The following ZNF831 variants were observed in gnomAD, a reference collection of about 807,000 sequenced individuals.
The protein encoded by ZNF831 is zinc finger protein 831.
A neutral mutation model predicts 95.8 loss-of-function variants in ZNF831; 59 were observed. The observed-to-expected ratio is 0.62, with a 90% CI of 0.50 to 0.77. The LOEUF (loss-of-function observed/expected upper bound fraction) is 0.77, where lower values mean the gene tolerates loss of function less well. Ranked by LOEUF, ZNF831 falls within the 30% of genes least tolerant of loss-of-function variation. The pLI, the probability that ZNF831 is intolerant of heterozygous loss-of-function variation, is 0.00. For missense variants in ZNF831, 2,205 were observed against 2,164.0 expected, an observed-to-expected ratio of 1.02 and a Z score of -0.38; for synonymous variants, 961 against 925.5, an observed-to-expected ratio of 1.04 and a Z score of -0.70.
At chr20:59,201,611 AGGTC>A (rs1458135931) in intron 3 of ZNF831, among the ~76,000 whole-genome samples, 1 of 152,176 alleles carries the variant, frequency 6.6e-6, no homozygotes, top group Non-Finnish European at 1.5e-5. Flanking sequence ...TTTTATATTT[AGGTC>A]TATAATTCAT....
intron 3 of ZNF831, among the ~76,000 whole-genome samples, chr20:59,196,887 C>T (rs1433619698): frequency 6.6e-6 from 1 of 151,992 alleles, no homozygotes; most frequent in Admixed American, 6.5e-5. Flanking sequence ...AAGCGATTTG[C>T]CTGCTCAGCC....
At chr20:59,252,796 G>A (rs1987960332) in intron 4 of ZNF831, among the ~76,000 whole-genome samples, 182 bp from the exon 5 acceptor site, 1 of 151,892 alleles carries the variant, frequency 6.6e-6, no homozygotes, top group Non-Finnish European at 1.5e-5. Flanking sequence ...TCATAGAGTG[G>A]ATATATTTTA....
chr20:59,223,268 T>A (rs985620958), intron 4 of ZNF831, among the ~76,000 whole-genome samples: 1 of 152,096 alleles, frequency 6.6e-6, no homozygotes, highest in East Asian at 1.9e-4. Flanking sequence ...TAAAGCAGAA[T>A]CCAGGATTCT....
intron 4 of ZNF831, among the ~76,000 whole-genome samples, chr20:59,223,259 A>G (rs955649867): frequency 2.0e-5 from 3 of 152,122 alleles, no homozygotes; most frequent in African/African-American, 7.2e-5. Flanking sequence ...GCAGGGATGT[A>G]AAGCAGAATC....
At chr20:59,137,584 G>A (rs548051459) in intron 1 of ZNF831, among the ~76,000 whole-genome samples, 22 of 152,332 alleles carry the variant, frequency 1.4e-4, no homozygotes, top group African/African-American at 5.1e-4. Context: ...CTGACACAGG[G>A]TTAGGGATTC....
intron 2 of ZNF831, among the ~76,000 whole-genome samples, chr20:59,154,393 A>G (rs1269238796): frequency 1.3e-5 from 2 of 152,214 alleles, no homozygotes; most frequent in African/African-American, 4.8e-5. Context: ...AGAAAGCACC[A>G]TGAGAACTCA....
In ZNF831 at chr20:59,195,905, C is replaced by T; in HGVS notation, c.3775C>T (p.His1259Tyr). Residue 1259 changes from histidine to tyrosine, a missense_variant, in exon 3 of 6, where the codon CAC (histidine) becomes TAC (tyrosine). Physicochemically the swap from His to Tyr is moderately conservative, Grantham distance 83 (BLOSUM62 2). Coordinates refer to ENST00000371030, the MANE Select transcript of ZNF831 (RefSeq NM_178457.3). ...AACAGTCCCAGGGGTGATGCCCCAG[C>T]ACCAGGTGTCTGAGCCAGAATGGAA... is the stretch of plus-strand genomic sequence containing the variant. ...YPTVPGVMPQHQVSEPEWKKG... is the reference protein window; with the variant it reads ...YPTVPGVMPQYQVSEPEWKKG... The T allele has an allele frequency of 4.3e-6, 7 of 1,614,206 alleles. No individual in the cohort carries two copies. The highest frequency in any genetic ancestry group is 1.1e-5 in the South Asian group (1 of 91,078).
At chr20:59,128,983 C>T (rs1373344593) in intron 1 of ZNF831, among the ~76,000 whole-genome samples, 4 of 152,128 alleles carry the variant, frequency 2.6e-5, no homozygotes, top group African/African-American at 4.8e-5. Flanking sequence ...AGGCTAGTCT[C>T]GAACTCCTGA....
At chr20:59,159,698 G>A (rs1535271), upstream of ZNF831, 32,501 of 152,158 alleles carry the variant, frequency 0.21, 3,869 homozygotes, top group South Asian at 0.39. Context: ...AGCATGCGGT[G>A]GATGTTAGGG....
At position 59,254,029 on chromosome 20, in the gene ZNF831, T is replaced by C. The variant is rs768791519; in HGVS notation, c.4320T>C (p.Gly1440=). The C allele has an allele frequency of 1.2e-6, 2 of 1,613,954 alleles. No individual in the cohort carries two copies. The highest frequency in any genetic ancestry group is 1.7e-6 in the Non-Finnish European group (2 of 1,179,994). ...ACGTGCCTCTACCCCCTGGCAAAGG[T>C]CTTGACCTTGGGTTGCTGGAGACTC... ...VNDVPLPPGK[G]LDLGLLETQL... is the part of the protein sequence containing the mutation. The change falls in exon 6 of 6, where the codon GGT becomes GGC. Residue 1440 remains glycine (G), a synonymous_variant. Transcript: ENST00000371030. This position sits in a 1 kb window ranked among gnomAD's most constrained non-coding sequence, Gnocchi z 4.5.
chr20:59,254,125 T>C lies in ZNF831; in HGVS notation c.4416T>C (p.Pro1472=), dbSNP rs1212263570. Residue 1472 remains proline (P), a synonymous_variant, in exon 6 of 6, where the codon CCT becomes CCC. Coordinates refer to ENST00000371030, the MANE Select transcript of ZNF831 (RefSeq NM_178457.3). The surrounding 1 kb of genome is among the most constrained non-coding windows in gnomAD (Gnocchi z 4.5). The stretch of plus-strand genomic sequence containing the variant: ...ACATCTTCTCAGATGCTCAAAGGCC[T>C]TCTTCCTTTGGGTCCAAAGGAACTT... ...KPYIFSDAQR[P]SSFGSKGTFP... 9.9e-6 allele frequency: 16 copies of C among 1,614,012 alleles called. No homozygotes were observed. Among genetic ancestry groups the C allele is most frequent in the Non-Finnish European group, 1.3e-5 (15 of 1,180,048 alleles).
chr20:59,254,767 T>C lies in ZNF831; in HGVS notation c.*24T>C, dbSNP rs548926996. ...GAAGCTTCCAGAGAAACATGGTGTC[T>C]GGTCAAAAAGACTGTTGACGCTTCA... On this transcript the variant is annotated 3_prime_UTR_variant, in exon 6 of 6. Coordinates refer to ENST00000371030, the MANE Select transcript of ZNF831 (RefSeq NM_178457.3). The surrounding 1 kb of genome is among the most constrained non-coding windows in gnomAD (Gnocchi z 4.5). The C allele has an allele frequency of 6.2e-5, 91 of 1,464,934 alleles. 1 individual carries two copies. The African/African-American group carries it at 1.6e-3, about 26-fold the overall frequency. The allele number at this position is 1,464,934 out of a possible 1,614,324, so 90.7% of individuals were successfully genotyped here. A position where few individuals can be genotyped will look rare whatever the true frequency, so the allele number is the denominator to read the frequency against.
intron 4 of ZNF831, among the ~76,000 whole-genome samples, chr20:59,246,923 T>A (rs1987639942): frequency 6.6e-6 from 1 of 152,194 alleles, no homozygotes; most frequent in Non-Finnish European, 1.5e-5. Context: ...CCCACTGACT[T>A]CTGATTATTT....
In ZNF831 at chr20:59,258,745, C is replaced by G. The variant is rs551177363; in HGVS notation, c.*4002C>G. On this transcript the variant is annotated 3_prime_UTR_variant, in exon 6 of 6. Transcript: ENST00000371030. ...ATTTATTGTCCTTATTTTTCAGAAC[C>G]CATTAAATATAAGGGTCAGAACCTA... The G allele has an allele frequency of 6.6e-6, 1 of 152,152 alleles. No individual in the cohort carries two copies. The highest frequency in any genetic ancestry group is 2.4e-5 in the African/African-American group (1 of 41,436). 9.4% of individuals were successfully genotyped at this position (152,152 alleles called of 1,614,324 possible).
At chr20:59,218,869 C>T (rs983313838) in intron 4 of ZNF831, among the ~76,000 whole-genome samples, 9 of 152,022 alleles carry the variant, frequency 5.9e-5, no homozygotes, top group Admixed American at 2.6e-4. Flanking sequence ...AAAAATTAGC[C>T]GGGTGTAGTG....
chr20:59,241,226 C>T (rs778205775), intron 4 of ZNF831, among the ~76,000 whole-genome samples: 25 of 152,106 alleles, frequency 1.6e-4, no homozygotes, highest in Admixed American at 3.3e-4. Flanking sequence ...TTCAAGTCTC[C>T]ATGATCTCTT....
rs2146546578 is a variant in ZNF831, at chr20:59,191,359, A to T, written c.340A>T (p.Thr114Ser). The T allele has an allele frequency of 6.2e-7, 1 of 1,608,392 alleles. No individual in the cohort carries two copies. The highest frequency in any genetic ancestry group is 8.5e-7 in the Non-Finnish European group (1 of 1,177,402). The change falls in exon 2 of 6, where the codon ACG (threonine) becomes TCG (serine). Residue 114 changes from threonine to serine, a missense_variant. By Grantham distance (58) the Thr-to-Ser change is moderately conservative (BLOSUM62 1). Coordinates refer to ENST00000371030, the MANE Select transcript of ZNF831 (RefSeq NM_178457.3). ...QVGKPAAPTL[T>S]VNIVGTLPVL... ...GGGGAAGCCGGCGGCCCCTACGCTG[A>T]CGGTGAACATCGTGGGCACTCTGCC...
In ZNF831 at chr20:59,208,526, G is replaced by T. The variant is rs1182880972; in HGVS notation, c.4027+1470G>T. Among the ~76,000 whole-genome samples, 1 of 152,186 alleles carries T rather than the reference G, an allele frequency of 6.6e-6. No individual in the cohort carries two copies. The highest frequency in any genetic ancestry group is 1.5e-5 in the Non-Finnish European group (1 of 68,034). The stretch of plus-strand genomic sequence containing the variant: ...GTTTTCCAATGTATAACCCACAGCT[G>T]GGAATCCAGGTCCAGCCCAGCACCC... On this transcript the variant is annotated intron_variant, in intron 4 of 5. Coordinates refer to ENST00000371030, the MANE Select transcript of ZNF831 (RefSeq NM_178457.3). This position sits in a 1 kb window ranked among gnomAD's most constrained non-coding sequence, Gnocchi z 4.2.
At chr20:59,157,662 C>T (rs1432857887) in intron 2 of ZNF831, among the ~76,000 whole-genome samples, 1 of 152,204 alleles carries the variant, frequency 6.6e-6, no homozygotes, top group Non-Finnish European at 1.5e-5. Flanking sequence ...ACAAAGGATT[C>T]TTGGCTTGGA....
Sources: gnomAD v4.1 joint callset for allele counts (sites outside exome capture counted in the v4.1 genomes callset) on GRCh38, gnomAD v4.1.1 for gene constraint, Gnocchi (gnomAD v3.1) non-coding constraint, MANE v1.5 for transcripts, NCBI Gene and HGNC (gene_info 2026-07-23, HGNC 2026-07-21) for gene names.